The following DOCK3 variants were observed in gnomAD, a reference collection of about 807,000 sequenced individuals.
DOCK3 encodes dedicator of cytokinesis protein 3.
A neutral mutation model predicts 265.6 loss-of-function variants in DOCK3; 60 were observed. The ratio of observed to expected loss-of-function variants is 0.23; its 90% CI spans 0.18 to 0.28. The LOEUF (loss-of-function observed/expected upper bound fraction) is 0.28, where lower values mean the gene tolerates loss of function less well. DOCK3 is among the 10% of genes least tolerant of loss of function. The probability of loss-of-function intolerance (pLI) is 1.00; values close to 1 mark genes in which losing one functional copy is unlikely to be tolerated. For synonymous variants in DOCK3, 881 were observed against 938.0 expected, an observed-to-expected ratio of 0.94 and a Z score of 1.11; for missense variants, 1,981 against 2,594.3, an observed-to-expected ratio of 0.76 and a Z score of 5.14.
chr3:50,849,204 T>G (rs561343304), intron 3 of DOCK3, among the ~76,000 whole-genome samples: 1 of 150,132 alleles, frequency 6.7e-6, no homozygotes, highest in African/African-American at 2.4e-5. Flanking sequence ...CTGGCTAATT[T>G]TTTAATTTTT....
intron 2 of DOCK3, among the ~76,000 whole-genome samples, chr3:50,835,545 G>A (rs11917538): frequency 0.77 from 116,758 of 152,112 alleles, 45,757 homozygotes; most frequent in Middle Eastern, 0.88. Context: ...CCTTAGGGCA[G>A]CCTGTATTAA....
intron 1 of DOCK3, among the ~76,000 whole-genome samples, chr3:50,759,830 C>G (rs978401352): frequency 1.4e-5 from 2 of 145,290 alleles, no homozygotes; most frequent in Non-Finnish European, 3.0e-5. Context: ...TGCACTCCAG[C>G]CTGGGTGACC....
Position 51,357,041 on chromosome 3 carries a change from A to G in DOCK3, c.4583A>G (p.Tyr1528Cys). ...NQELRSLISQYQHKQVHGNIN... is the reference protein window; with the variant it reads ...NQELRSLISQCQHKQVHGNIN... ...GAGCTACGCTCCCTGATCAGCCAGT[A>G]TCAACACAAGCAGGTGCATGGCAAC... is the stretch of plus-strand genomic sequence containing the variant. Residue 1528 changes from tyrosine to cysteine, a missense_variant, in exon 44 of 53, where the codon TAT (tyrosine) becomes TGT (cysteine). Around this residue, in one of 4 missense-constraint regions of DOCK3, gnomAD observed 1,357 missense variants for 1,866.8 expected, o/e 0.73. Transcript: ENST00000266037. The G allele has an allele frequency of 6.2e-7, 1 of 1,613,428 alleles. No individual in the cohort carries two copies. Among genetic ancestry groups the G allele is most frequent in the Admixed American group, 1.7e-5 (1 of 60,032 alleles).
Position 50,855,426 on chromosome 3 carries a change from G to T in DOCK3, c.162+13711G>T, listed in dbSNP as rs145392395. Among the ~76,000 whole-genome samples the T allele has an allele frequency of 6.8e-4, 103 of 152,094 alleles. 1 individual carries two copies. The East Asian group carries it at 0.018, about 27-fold the overall frequency. ...GTTGTGTTTTATTTTTGTGGCAGTT[G>T]TAAATGGGATTGAGTTCTTGATTTG... On this transcript the variant is annotated intron_variant, in intron 3 of 52. Coordinates refer to ENST00000266037, the MANE Select transcript of DOCK3 (RefSeq NM_004947.5).
chr3:51,081,788 C>T lies in DOCK3; in HGVS notation c.549+6348C>T, dbSNP rs959784770. Among the ~76,000 whole-genome samples, 8 of 150,192 alleles carry T rather than the reference C, an allele frequency of 5.3e-5. 1 individual carries two copies. The South Asian group carries it at 6.4e-4, about 12-fold the overall frequency. Reference sequence around the variant, plus strand: ...GCGGGCACCTGTAGTCCCAGCTACTCGGGAGGCTGAGGCAGGAGAATGGCG... The same window carrying T: ...GCGGGCACCTGTAGTCCCAGCTACTTGGGAGGCTGAGGCAGGAGAATGGCG... On this transcript the variant is annotated intron_variant, in intron 7 of 52. Transcript: ENST00000266037.
At chr3:51,297,164 G>A (rs1250120498) in intron 27 of DOCK3, among the ~76,000 whole-genome samples, 5 of 143,086 alleles carry the variant, frequency 3.5e-5, no homozygotes, top group East Asian at 2.1e-4. Flanking sequence ...GAATGATATC[G>A]CATCTCTACC....
In DOCK3 at chr3:51,229,644, A is replaced by G. The variant is rs778181184; in HGVS notation, c.1917+35A>G. 4.0e-6 allele frequency: 6 copies of G among 1,507,206 alleles called. No individual in the cohort carries two copies. The South Asian group carries it at 8.1e-5, about 20-fold the overall frequency. 93.4% of individuals were successfully genotyped at this position (1,507,206 alleles called of 1,614,324 possible). A position where few individuals can be genotyped will look rare whatever the true frequency, so the allele number is the denominator to read the frequency against. On this transcript the variant is annotated intron_variant, in intron 19 of 52. Transcript: ENST00000266037. ...CCATATAATTTAAACATACTGCATG[A>G]GGAAGAATCTGGGCAGAAGACCTTA...
At chr3:50,837,029 A>G (rs1436446264) in intron 2 of DOCK3, among the ~76,000 whole-genome samples, 5 of 152,146 alleles carry the variant, frequency 3.3e-5, no homozygotes, top group African/African-American at 4.8e-5. Flanking sequence ...CAATATCACT[A>G]TCAGCATTTT....
intron 22 of DOCK3, among the ~76,000 whole-genome samples, chr3:51,253,135 T>C (rs1220538774): frequency 2.0e-5 from 3 of 152,234 alleles, no homozygotes; most frequent in Non-Finnish European, 2.9e-5. Context: ...TGGTTTTTTG[T>C]CTTTGGTTCT....
chr3:50,916,228 G>T (rs2050114947), intron 4 of DOCK3, among the ~76,000 whole-genome samples: 1 of 152,006 alleles, frequency 6.6e-6, no homozygotes, highest in African/African-American at 2.4e-5. Context: ...ACTGTCCAGG[G>T]TGTTAATGTG....
At chr3:51,115,268 G>A (rs770717330) in intron 9 of DOCK3, among the ~76,000 whole-genome samples, 7 of 152,088 alleles carry the variant, frequency 4.6e-5, no homozygotes, top group East Asian at 1.9e-4. Context: ...CCAACAGTGC[G>A]AAAGCGTCCC....
intron 5 of DOCK3, among the ~76,000 whole-genome samples, chr3:50,991,481 T>A (rs1265732825): frequency 1.3e-5 from 2 of 152,114 alleles, no homozygotes; most frequent in African/African-American, 4.8e-5. Context: ...CAACAAAGAT[T>A]TAAAAAGTCA....
chr3:50,916,284 C>T (rs1187614985), intron 4 of DOCK3, among the ~76,000 whole-genome samples: 1 of 151,886 alleles, frequency 6.6e-6, no homozygotes, highest in African/African-American at 2.4e-5. Flanking sequence ...TGGGATAAGT[C>T]GCTCTGTCGC....
At chr3:50,787,714 A>C in intron 2 of DOCK3, 1 of 1,280,528 alleles carries the variant, frequency 7.8e-7, no homozygotes, top group South Asian at 1.2e-5. Context: ...AGCTCTCCTC[A>C]TTCTTCTTTC....
intron 4 of DOCK3, among the ~76,000 whole-genome samples, chr3:50,902,368 G>A (rs1375287172): frequency 6.6e-6 from 1 of 152,184 alleles, no homozygotes; most frequent in Non-Finnish European, 1.5e-5. Context: ...TATGTAAGAT[G>A]TAAGGGTCCA....
intron 2 of DOCK3, among the ~76,000 whole-genome samples, chr3:50,828,941 T>C (rs567245200): frequency 2.0e-5 from 3 of 151,792 alleles, no homozygotes; most frequent in Admixed American, 6.6e-5. Context: ...CTCGAACTCC[T>C]CTCCTTGTGA....
chr3:50,701,893 C>T (rs2036064998), intron 1 of DOCK3, among the ~76,000 whole-genome samples: 1 of 152,088 alleles, frequency 6.6e-6, no homozygotes, highest in South Asian at 2.1e-4. Flanking sequence ...GGATTTATTT[C>T]TGGTTTTCTC....
rs529705964 is a variant in DOCK3, at chr3:51,258,605, G to A, written c.2185-1551G>A. On this transcript the variant is annotated intron_variant, in intron 22 of 52. Transcript: ENST00000266037. ...TGCAAGCTCCACCTCCTGGGTTCAC[G>A]CCATTCTCGTGCCTCAGCCTCCCGA... Among the ~76,000 whole-genome samples, 11 of 152,124 alleles carry A rather than the reference G, an allele frequency of 7.2e-5. No homozygotes were observed. In the South Asian group the frequency reaches 2.1e-3, roughly 29 times the overall value.
chr3:51,160,459 G>A (rs1422388522), intron 11 of DOCK3, 96 bp from the exon 12 acceptor site: 4 of 1,407,074 alleles, frequency 2.8e-6, no homozygotes, highest in Non-Finnish European at 3.8e-6. Context: ...GATTTCCTAG[G>A]TGCCTGTAGC....
Sources: gnomAD v4.1 joint callset for allele counts (sites outside exome capture counted in the v4.1 genomes callset) on GRCh38, gnomAD v4.1.1 for gene constraint, gnomAD v4.1.1 regional missense constraint, MANE v1.5 for transcripts, NCBI Gene and HGNC (gene_info 2026-07-23, HGNC 2026-07-21) for gene names.